FAS: variants seen among roughly 807,000 people sequenced by gnomAD.
FAS encodes tumor necrosis factor receptor superfamily member 6.
FAS carries 5 observed loss-of-function variants against 33.2 expected under a neutral mutation model. That is an observed-to-expected ratio of 0.15 (90% confidence interval 0.08 to 0.32). The LOEUF (loss-of-function observed/expected upper bound fraction) is 0.32. Among genes scored for constraint, FAS ranks in the 10% least tolerant of loss-of-function variants. The pLI is 1.00. For missense variants in FAS, 339 were observed against 386.0 expected, an observed-to-expected ratio of 0.88 and a Z score of 1.02; for synonymous variants, 131 against 130.7, an observed-to-expected ratio of 1.00 and a Z score of -0.01.
rs78437341 is a variant in FAS at position 89,016,657 on chromosome 10, C to T, written c.*2207C>T. 244 of 223,204 alleles carry T rather than the reference C, an allele frequency of 1.1e-3. 2 individuals are homozygous for T. The East Asian group carries it at 0.016, about 14-fold the overall frequency. 13.8% of individuals were successfully genotyped at this position (223,204 alleles called of 1,614,324 possible). ...CAGCCACATTCCCGAGTTGAGGTGA[C>T]CCCACGGTCCAGAATCATCCTCATT... On this transcript the variant is annotated 3_prime_UTR_variant, in exon 9 of 9. Coordinates refer to ENST00000652046, the MANE Select transcript of FAS (RefSeq NM_000043.6).
chr10:89,008,047 T>C (rs1003918686), intron 3 of FAS, among the ~76,000 whole-genome samples: 1 of 152,140 alleles, frequency 6.6e-6, no homozygotes, highest in Non-Finnish European at 1.5e-5. Flanking sequence ...CTTCCAGATA[T>C]AGGAGAATGA....
intron 4 of FAS, among the ~76,000 whole-genome samples, chr10:89,010,245 T>C (rs576629307): frequency 6.6e-6 from 1 of 152,298 alleles, no homozygotes; most frequent in Admixed American, 6.5e-5. Flanking sequence ...TATTACTAGG[T>C]TTAAGTTTAT....
chr10:88,968,483 C>T (rs186733120), intron 1 of FAS, among the ~76,000 whole-genome samples: 3 of 152,292 alleles, frequency 2.0e-5, no homozygotes, highest in Admixed American at 1.3e-4. Flanking sequence ...ATGTTGGTAA[C>T]ACGGGCACTC....
intron 2 of FAS, among the ~76,000 whole-genome samples, chr10:88,977,322 T>A (rs1316892965): frequency 7.2e-6 from 1 of 139,042 alleles, no homozygotes; most frequent in South Asian, 2.3e-4. Flanking sequence ...CTTTAATCCA[T>A]CTTGAATTGA....
Position 89,015,204 on chromosome 10 carries a change from C to G in FAS, c.*754C>G. On this transcript the variant is annotated 3_prime_UTR_variant, in exon 9 of 9. Coordinates refer to ENST00000652046, the MANE Select transcript of FAS (RefSeq NM_000043.6). ...GTATTACTAGAGCTTTGCCACCTCT[C>G]CATTTTTGCCTTGGTGCTCATCTTA... is the stretch of plus-strand genomic sequence containing the variant. 1.9e-6 allele frequency: 1 copy of G among 534,846 alleles called. No homozygotes were observed. The highest frequency in any genetic ancestry group is 3.6e-6 in the Non-Finnish European group (1 of 276,710). The allele number at this position is 534,846 out of a possible 1,614,324, so 33.1% of individuals were successfully genotyped here.
intron 1 of FAS, among the ~76,000 whole-genome samples, chr10:88,964,824 C>T (rs769764831): frequency 2.0e-5 from 3 of 152,120 alleles, no homozygotes; most frequent in Non-Finnish European, 4.4e-5. Context: ...AAAGCATGGT[C>T]ATTCAAAGGA....
intron 2 of FAS, among the ~76,000 whole-genome samples, chr10:89,007,345 G>A (rs1848283889): frequency 6.6e-6 from 1 of 152,146 alleles, no homozygotes; most frequent in Admixed American, 6.5e-5. Flanking sequence ...TCCCCACTCT[G>A]AATATATACC....
At chr10:88,965,967 A>G (rs1846311568) in intron 1 of FAS, among the ~76,000 whole-genome samples, 1 of 152,192 alleles carries the variant, frequency 6.6e-6, no homozygotes. Context: ...TTCCTAAAGC[A>G]TGGCCTGAAT....
At chr10:89,007,592 TCCCC>T in intron 2 of FAS, 104 bp from the exon 3 acceptor site, 1 of 1,381,792 alleles carries the variant, frequency 7.2e-7, no homozygotes, top group East Asian at 2.6e-5. Context: ...CTACCCCCCC[TCCCC>T]TTGTGTTTTA....
chr10:88,984,853 G>A (rs774043300), upstream of FAS, among the ~76,000 whole-genome samples: 20 of 152,202 alleles, frequency 1.3e-4, no homozygotes, highest in Non-Finnish European at 2.4e-4. Flanking sequence ...AGCCTGATCT[G>A]ATGATTCCTT....
chr10:88,987,913 A>G (rs530502239), upstream of FAS, among the ~76,000 whole-genome samples: 28 of 152,346 alleles, frequency 1.8e-4, no homozygotes, highest in African/African-American at 6.7e-4. Context: ...TATAATGTCA[A>G]TAGGCCTTAT....
upstream of FAS, chr10:88,989,378 A>T: frequency 6.2e-6 from 2 of 321,132 alleles, no homozygotes; most frequent in Non-Finnish European, 1.3e-5. Context: ...TCATTTTGGA[A>T]TAGTTTTAGG....
intron 3 of FAS, 89 bp downstream of exon 3, chr10:89,007,926 G>T: frequency 6.3e-7 from 1 of 1,583,120 alleles, no homozygotes; most frequent in Non-Finnish European, 8.6e-7. Context: ...GGGGCCTACT[G>T]TGGTGCTATG....
At chr10:88,988,735 AG>A (rs1222127931), upstream of FAS, among the ~76,000 whole-genome samples, 4 of 152,206 alleles carry the variant, frequency 2.6e-5, no homozygotes, top group Admixed American at 2.6e-4. Context: ...AGCATTCATT[AG>A]GTGTTCATTC....
rs760280119 is a variant in FAS, at chr10:89,012,016, C to G, written c.586C>G (p.Gln196Glu). 14 of 1,613,788 alleles carry G rather than the reference C, an allele frequency of 8.7e-6. No homozygotes were observed. In the Admixed American group the frequency reaches 1.3e-4, roughly 15 times the overall value. Residue 196 changes from glutamine (Q) to glutamate (E), a missense_variant, in exon 7 of 9, where the codon CAG becomes GAG. This residue lies in a region of FAS where 276 missense variants were observed against 300.1 expected (regional missense o/e 0.92). Transcript: ENST00000652046. ...TCTTTCAGTGAAGAGAAAGGAAGTA[C>G]AGAAAACATGCAGAAAGCACAGAAA... The part of the protein sequence containing the change: ...LIVWVKRKEV[Q>E]KTCRKHRKEN...
At position 88,990,844 on chromosome 10, in the gene FAS, A is replaced by G. The variant is rs1847132328; in HGVS notation, c.-33A>G. On this transcript the variant is annotated 5_prime_UTR_variant, in exon 1 of 9. Coordinates refer to ENST00000652046, the MANE Select transcript of FAS (RefSeq NM_000043.6). The surrounding 1 kb of genome is among the most constrained non-coding windows in gnomAD (Gnocchi z 4.9). ...GACCCGCTCAGTACGGAGTTGGGGA[A>G]GCTCTTTCACTTCGGAGGATTGCTC... 1 of 1,614,066 alleles carries G rather than the reference A, an allele frequency of 6.2e-7. No individual in the cohort carries two copies. Among genetic ancestry groups the G allele is most frequent in the African/African-American group, 1.3e-5 (1 of 74,940 alleles).
upstream of FAS, among the ~76,000 whole-genome samples, chr10:88,987,130 C>T (rs970027678): frequency 1.3e-5 from 2 of 152,210 alleles, no homozygotes; most frequent in Admixed American, 6.5e-5. Context: ...CACTTGGCCA[C>T]TGTGGGCTCT....
At chr10:89,002,789 A>C (rs565618714) in intron 1 of FAS, 36 of 507,706 alleles carry the variant, frequency 7.1e-5, no homozygotes, top group Middle Eastern at 5.5e-4. Context: ...TCACCTTAGA[A>C]CACCTGGCTT....
At chr10:88,977,618 C>T (rs1176800851) in intron 2 of FAS, among the ~76,000 whole-genome samples, 2 of 151,102 alleles carry the variant, frequency 1.3e-5, no homozygotes, top group Non-Finnish European at 3.0e-5. Context: ...CAAAAGAAGA[C>T]ATTTATGCAG....
Sources: allele counts gnomAD v4.1 joint callset (sites outside exome capture counted in the v4.1 genomes callset), GRCh38; gene constraint gnomAD v4.1.1; regional missense constraint gnomAD v4.1.1; non-coding constraint Gnocchi (gnomAD v3.1); transcripts MANE v1.5; gene names NCBI Gene and HGNC (gene_info 2026-07-23, HGNC 2026-07-21).